The following PGM5 variants were observed in gnomAD, a reference collection of about 807,000 sequenced individuals.
The protein encoded by PGM5 is phosphoglucomutase 5.
PGM5 carries 23 observed loss-of-function variants against 59.2 expected under a neutral mutation model. The ratio of observed to expected loss-of-function variants is 0.39; its 90% CI spans 0.28 to 0.55. The LOEUF is 0.55. Ranked by LOEUF, PGM5 falls within the 20% of genes least tolerant of loss-of-function variation. The pLI is 0.66. For synonymous variants in PGM5, 214 were observed against 286.0 expected (o/e 0.75, Z 2.54); for missense variants, 574 against 748.3 (o/e 0.77, Z 2.72).
At chr9:68,388,918 C>T (rs1241920552) in intron 4 of PGM5, among the ~76,000 whole-genome samples, 8 of 151,846 alleles carry the variant, frequency 5.3e-5, no homozygotes, top group Non-Finnish European at 8.8e-5. Flanking sequence ...TTATATTGGA[C>T]ACCTGATGGA....
Position 68,357,015 on chromosome 9 carries a change from G to T in PGM5, c.-113G>T. Reference sequence around the variant, plus strand: ...GCAGGGCGCCGACCTGCTGGAGAGGGGGCCCGGGCGCGAGGCGGAGTCCCG... The same window carrying T: ...GCAGGGCGCCGACCTGCTGGAGAGGTGGCCCGGGCGCGAGGCGGAGTCCCG... On this transcript the variant is annotated 5_prime_UTR_variant, in exon 1 of 11. Coordinates refer to ENST00000396396, the MANE Select transcript of PGM5 (RefSeq NM_021965.4). 8.7e-7 allele frequency: 1 copy of T among 1,152,782 alleles called. No homozygotes were observed. The highest frequency in any genetic ancestry group is 1.8e-5 in the South Asian group (1 of 55,098). The allele number at this position is 1,152,782 out of a possible 1,614,324, so 71.4% of individuals were successfully genotyped here. A position where few individuals can be genotyped will look rare whatever the true frequency, so the allele number is the denominator to read the frequency against.
intron 6 of PGM5, among the ~76,000 whole-genome samples, chr9:68,412,356 C>T (rs1822949438): frequency 6.6e-6 from 1 of 152,198 alleles, no homozygotes; most frequent in African/African-American, 2.4e-5. Flanking sequence ...GAACCTTACA[C>T]ATGATGCTTC....
chr9:68,529,053 A>G (rs902412188), intron 10 of PGM5, among the ~76,000 whole-genome samples: 4 of 152,176 alleles, frequency 2.6e-5, no homozygotes, highest in African/African-American at 9.7e-5. Flanking sequence ...GGAAGGCATG[A>G]TCAGTCATTT....
At chr9:68,510,676 G>T (rs1554689303) in intron 10 of PGM5, among the ~76,000 whole-genome samples, 1 of 152,208 alleles carries the variant, frequency 6.6e-6, no homozygotes, top group Non-Finnish European at 1.5e-5. Flanking sequence ...TACTTTGCCA[G>T]GTTAAAGGTC....
chr9:68,388,927 G>A (rs1302485881), intron 4 of PGM5, among the ~76,000 whole-genome samples: 2 of 151,880 alleles, frequency 1.3e-5, no homozygotes, highest in African/African-American at 4.8e-5. Flanking sequence ...ACACCTGATG[G>A]ACCCTTTCAG....
chr9:68,521,722 G>A (rs1002015697), intron 10 of PGM5, among the ~76,000 whole-genome samples: 3 of 152,154 alleles, frequency 2.0e-5, no homozygotes, highest in Admixed American at 1.3e-4. Context: ...GAAGGTGAGG[G>A]GAGAGGTGGA....
chr9:68,472,323 G>A (rs782811750), intron 7 of PGM5, among the ~76,000 whole-genome samples: 1 of 152,130 alleles, frequency 6.6e-6, no homozygotes, highest in Non-Finnish European at 1.5e-5. Flanking sequence ...TTCAGTTCAT[G>A]CTGATGAGTC....
intron 6 of PGM5, among the ~76,000 whole-genome samples, chr9:68,416,586 G>T (rs1823036025): frequency 6.6e-6 from 1 of 152,190 alleles, no homozygotes; most frequent in Non-Finnish European, 1.5e-5. Flanking sequence ...TAAGACTAAA[G>T]AATATGTATT....
intron 10 of PGM5, among the ~76,000 whole-genome samples, chr9:68,526,007 G>T (rs1824967120): frequency 6.6e-6 from 1 of 151,492 alleles, no homozygotes; most frequent in Admixed American, 6.6e-5. Context: ...AGTGAGCCAA[G>T]ATCGCGCCAC....
chr9:68,436,644 C>T (rs559185465), intron 6 of PGM5, among the ~76,000 whole-genome samples: 1 of 152,350 alleles, frequency 6.6e-6, no homozygotes, highest in African/African-American at 2.4e-5. Flanking sequence ...TGTGTCCTCA[C>T]TGCCAAGTGT....
intron 1 of PGM5, among the ~76,000 whole-genome samples, chr9:68,376,891 T>A (rs1303560710): frequency 8.5e-6 from 1 of 118,054 alleles, no homozygotes; most frequent in Non-Finnish European, 1.8e-5. Flanking sequence ...TCTTTTTTTC[T>A]TTCTTTCTCT....
chr9:68,407,918 A>G (rs1279713247), intron 6 of PGM5, among the ~76,000 whole-genome samples: 10 of 152,242 alleles, frequency 6.6e-5, no homozygotes, highest in Non-Finnish European at 1.3e-4. Context: ...CTAATATAAC[A>G]CCGGCTACTT....
intron 6 of PGM5, among the ~76,000 whole-genome samples, chr9:68,446,394 TAGAG>T (rs1823612752): frequency 1.3e-5 from 2 of 152,388 alleles, no homozygotes; most frequent in South Asian, 4.1e-4. Context: ...AACCTTAGGA[TAGAG>T]AGTGAATAGG....
intron 6 of PGM5, among the ~76,000 whole-genome samples, chr9:68,432,886 C>T (rs1313936720): frequency 6.6e-6 from 1 of 152,192 alleles, no homozygotes; most frequent in African/African-American, 2.4e-5. Context: ...GGATTAAAGG[C>T]ACGAGCCACT....
chr9:68,488,746 T>C (rs954073389), intron 9 of PGM5, among the ~76,000 whole-genome samples: 2 of 152,208 alleles, frequency 1.3e-5, no homozygotes, highest in African/African-American at 4.8e-5. Flanking sequence ...TCATGAGGCA[T>C]GGTTCAACAA....
intron 9 of PGM5, among the ~76,000 whole-genome samples, chr9:68,492,583 C>G (rs1285173026): frequency 6.6e-6 from 1 of 152,100 alleles, no homozygotes; most frequent in African/African-American, 2.4e-5. Context: ...GGTACCCAGC[C>G]TAATGGGGAA....
At chr9:68,513,072 C>T (rs1824776555) in intron 10 of PGM5, among the ~76,000 whole-genome samples, 1 of 152,140 alleles carries the variant, frequency 6.6e-6, no homozygotes, top group Admixed American at 6.5e-5. Flanking sequence ...GAATATGACA[C>T]GTTATTTACA....
At position 68,510,550 on chromosome 9, in the gene PGM5, T is replaced by G. The variant is rs575125757; in HGVS notation, c.1614+11189T>G. Among the ~76,000 whole-genome samples the G allele has an allele frequency of 1.4e-3, 217 of 152,332 alleles. 4 individuals carry two copies. In the South Asian group the frequency reaches 0.016, roughly 11 times the overall value. On this transcript the variant is annotated intron_variant, in intron 10 of 10. Transcript: ENST00000396396. The stretch of plus-strand genomic sequence containing the variant: ...GTCAAATTGAGATAGATATACTTCT[T>G]ATTTTATATTGTTGTAATGATTAAA...
intron 7 of PGM5, among the ~76,000 whole-genome samples, chr9:68,478,490 C>A (rs1241500930): frequency 6.6e-6 from 1 of 152,228 alleles, no homozygotes; most frequent in African/African-American, 2.4e-5. Flanking sequence ...CATAACAAAT[C>A]ACCACCAACT....
Sources: allele counts gnomAD v4.1 joint callset (sites outside exome capture counted in the v4.1 genomes callset), GRCh38; gene constraint gnomAD v4.1.1; transcripts MANE v1.5; gene names NCBI Gene and HGNC (gene_info 2026-07-23, HGNC 2026-07-21).